ANGPT4: variants seen among roughly 807,000 people sequenced by gnomAD.
ANGPT4 encodes angiopoietin-4.
A neutral mutation model predicts 53.0 loss-of-function variants in ANGPT4; 50 were observed. The observed-to-expected ratio is 0.94, with a 90% CI of 0.75 to 1.20. ANGPT4 has a LOEUF of 1.20. ANGPT4 is among the 50% of genes most tolerant of loss of function. ANGPT4 has a pLI of 0.00. For missense variants in ANGPT4, 648 were observed against 637.1 expected, an observed-to-expected ratio of 1.02 and a Z score of -0.18; for synonymous variants, 251 against 259.7, an observed-to-expected ratio of 0.97 and a Z score of 0.32.
rs777242090 is a variant in ANGPT4, at chr20:879,833, G to T, written c.967C>A (p.Gln323Lys). 3.1e-6 allele frequency: 5 copies of T among 1,612,472 alleles called. No homozygotes were observed. The African/African-American group carries it at 6.7e-5, about 22-fold the overall frequency. ...TKPRKVFCDLQSSGGRWTLIQ... is the reference protein window; with the variant it reads ...TKPRKVFCDLKSSGGRWTLIQ... ...AGGGTCCACCTGCCTCCACTGCTCTGCAGGTCACAGAACACCTGGAGGGGG... is the reference window on the plus strand; with the variant it reads ...AGGGTCCACCTGCCTCCACTGCTCTTCAGGTCACAGAACACCTGGAGGGGG... Residue 323 changes from glutamine to lysine, a missense_variant, in exon 6 of 9, where the codon CAG (glutamine) becomes AAG (lysine). Coordinates refer to ENST00000381922, the MANE Select transcript of ANGPT4 (RefSeq NM_015985.4).
chr20:884,610 G>A (rs1158824478), intron 4 of ANGPT4, among the ~76,000 whole-genome samples: 1 of 152,238 alleles, frequency 6.6e-6, no homozygotes, highest in Non-Finnish European at 1.5e-5. Context: ...CTTCTGTTTG[G>A]CCCTCTTGGG....
chr20:879,616 T>A (rs1426195132), intron 6 of ANGPT4, 131 bp downstream of exon 6: 17 of 543,450 alleles, frequency 3.1e-5, no homozygotes, highest in African/African-American at 5.8e-5. Flanking sequence ...AAAGCAGATG[T>A]GCACTGTCAG....
chr20:885,474 G>A, intron 3 of ANGPT4, 149 bp from the exon 4 acceptor site: 3 of 1,225,070 alleles, frequency 2.4e-6, no homozygotes, highest in African/African-American at 1.5e-5. Context: ...CACAGATTGA[G>A]GAGGGGAGAA....
chr20:872,704 C>T lies in ANGPT4; in HGVS notation c.*256G>A. ...GTACTGTGACCCTCAGGCAGGGAGC[C>T]CCTGAAGGGGGAGGGAGAGAAGAGG... On this transcript the variant is annotated 3_prime_UTR_variant, in exon 9 of 9. Transcript: ENST00000381922. The T allele has an allele frequency of 2.0e-6, 1 of 492,994 alleles. No individual in the cohort carries two copies. The highest frequency in any genetic ancestry group is 2.4e-5 in the South Asian group (1 of 41,612). The allele number at this position is 492,994 out of a possible 1,614,324, so 30.5% of individuals were successfully genotyped here.
intron 3 of ANGPT4, 93 bp from the exon 4 acceptor site, chr20:885,418 G>C: frequency 7.0e-7 from 1 of 1,426,162 alleles, no homozygotes; most frequent in East Asian, 2.5e-5. Context: ...CCTGCAGCCC[G>C]ACGATGAGAC....
intron 6 of ANGPT4, 32 bp from the exon 7 acceptor site, chr20:878,359 T>C (rs370922444): frequency 8.3e-6 from 13 of 1,574,316 alleles, no homozygotes; most frequent in African/African-American, 4.0e-5. Flanking sequence ...GTGAGACTCA[T>C]GCTGAGGAGG....
chr20:893,929 G>T (rs936693910), intron 1 of ANGPT4, among the ~76,000 whole-genome samples: 2 of 151,920 alleles, frequency 1.3e-5, no homozygotes, highest in Non-Finnish European at 2.9e-5. Context: ...CCATGGGTCT[G>T]CCTTTTGTGC....
Position 879,649 on chromosome 20 carries a change from T to C in ANGPT4, c.1053+98A>G, listed in dbSNP as rs111505550. The C allele has an allele frequency of 9.6e-4, 879 of 914,370 alleles. 6 individuals carry two copies. In the African/African-American group the frequency reaches 0.013, roughly 14 times the overall value. 56.6% of individuals were successfully genotyped at this position (914,370 alleles called of 1,614,324 possible). The stretch of plus-strand genomic sequence containing the variant: ...CAGCTTTAGATGAGTTGATTTTTTC[T>C]GGGGGAGGAATGAGGGCAAAGCAGT... On this transcript the variant is annotated intron_variant, in intron 6 of 8. Transcript: ENST00000381922.
chr20:874,206 A>G, intron 8 of ANGPT4, 78 bp downstream of exon 8: 4 of 1,582,356 alleles, frequency 2.5e-6, no homozygotes, highest in Non-Finnish European at 3.4e-6. Flanking sequence ...TGGGCGCACA[A>G]GAACCTGGGG....
At chr20:886,294 CA>C (rs1981617480) in intron 3 of ANGPT4, among the ~76,000 whole-genome samples, 2 of 152,294 alleles carry the variant, frequency 1.3e-5, no homozygotes, top group South Asian at 4.1e-4. Context: ...GAAGCAACCT[CA>C]ATATCCATTA....
chr20:870,423 G>A lies in ANGPT4; in HGVS notation c.*2537C>T, dbSNP rs1016103406. ...AGGCGTCTGTAATCCCATTACTCAG[G>A]AGGCTGAGGTAGGAGAATCACTTGA... is the stretch of plus-strand genomic sequence containing the variant. On this transcript the variant is annotated 3_prime_UTR_variant, in exon 9 of 9. Transcript: ENST00000381922. 6.6e-6 allele frequency: 1 copy of A among 152,208 alleles called. No individual in the cohort carries two copies. Among genetic ancestry groups the A allele is most frequent in the Admixed American group, 6.5e-5 (1 of 15,270 alleles). 9.4% of individuals were successfully genotyped at this position (152,208 alleles called of 1,614,324 possible). A position where few individuals can be genotyped will look rare whatever the true frequency, so the allele number is the denominator to read the frequency against.
At chr20:912,238 T>C (rs1403550494) in intron 1 of ANGPT4, among the ~76,000 whole-genome samples, 1 of 152,188 alleles carries the variant, frequency 6.6e-6, no homozygotes, top group Non-Finnish European at 1.5e-5. Flanking sequence ...GGAGCCCTTA[T>C]TGAGCACCTG....
intron 1 of ANGPT4, among the ~76,000 whole-genome samples, chr20:898,763 C>A (rs770007075): frequency 6.6e-6 from 1 of 152,222 alleles, no homozygotes; most frequent in African/African-American, 2.4e-5. Flanking sequence ...CTTCAAAACG[C>A]CTAAGCCGCA....
chr20:889,344 G>A (rs1378153514), intron 2 of ANGPT4, among the ~76,000 whole-genome samples: 1 of 152,188 alleles, frequency 6.6e-6, no homozygotes, highest in Non-Finnish European at 1.5e-5. Flanking sequence ...ATCATAGTGT[G>A]TACTTACACA....
intron 2 of ANGPT4, 127 bp downstream of exon 2, chr20:890,086 G>A: frequency 8.5e-7 from 1 of 1,174,964 alleles, no homozygotes; most frequent in Non-Finnish European, 1.2e-6. Flanking sequence ...GAGGGACCCG[G>A]GGGGCTACAG....
At chr20:887,779 T>G (rs1206985860) in intron 3 of ANGPT4, among the ~76,000 whole-genome samples, 1 of 152,138 alleles carries the variant, frequency 6.6e-6, no homozygotes, top group African/African-American at 2.4e-5. Context: ...GCACCAGATT[T>G]ATTTATTTGC....
intron 4 of ANGPT4, among the ~76,000 whole-genome samples, chr20:884,017 G>T (rs3787567): frequency 0.23 from 35,059 of 152,086 alleles, 4,566 homozygotes; most frequent in East Asian, 0.52. Flanking sequence ...TGGTGGTGCC[G>T]GGAGCGCCAT....
rs746455441 is a variant in ANGPT4 at position 890,281 on chromosome 20, C to T, written c.397G>A (p.Glu133Lys). Residue 133 changes from glutamate to lysine, a missense_variant, in exon 2 of 9, where the codon GAG becomes AAG. Glu to Lys is a moderately conservative substitution (Grantham distance 56). Coordinates refer to ENST00000381922, the MANE Select transcript of ANGPT4 (RefSeq NM_015985.4). ...MAQNQTAPML[E>K]LGTSLLNQTT... ...TGGTTCAGGAGGCTGGTGCCCAGCT[C>T]TAGCATGGGGGCCGTCTGATTCTGG... is the stretch of plus-strand genomic sequence containing the variant. 2.5e-6 allele frequency: 4 copies of T among 1,614,022 alleles called. No individual in the cohort carries two copies. Among genetic ancestry groups the T allele is most frequent in the Middle Eastern group, 1.7e-4 (1 of 6,060 alleles).
intron 1 of ANGPT4, among the ~76,000 whole-genome samples, chr20:895,599 C>G (rs886333683): frequency 6.6e-6 from 1 of 152,088 alleles, no homozygotes; most frequent in Non-Finnish European, 1.5e-5. Context: ...GGTGCAGATC[C>G]GTGGATGAGC....
Sources: gnomAD v4.1 joint callset for allele counts (sites outside exome capture counted in the v4.1 genomes callset) on GRCh38, gnomAD v4.1.1 for gene constraint, MANE v1.5 for transcripts, NCBI Gene and HGNC (gene_info 2026-07-23, HGNC 2026-07-21) for gene names.